GRIK2: variants seen among roughly 807,000 people sequenced by gnomAD.
The protein encoded by GRIK2 is glutamate ionotropic receptor kainate type subunit 2, also known as glutamate receptor ionotropic, kainate 2.
GRIK2 carries 32 observed loss-of-function variants against 100.3 expected under a neutral mutation model. The ratio of observed to expected loss-of-function variants is 0.32; its 90% CI spans 0.24 to 0.43. The LOEUF (loss-of-function observed/expected upper bound fraction) is 0.43, where lower values mean the gene tolerates loss of function less well. Among genes scored for constraint, GRIK2 ranks in the 20% least tolerant of loss-of-function variants. The pLI, the probability that GRIK2 is intolerant of heterozygous loss-of-function variation, is 1.00. For synonymous variants in GRIK2, 417 were observed against 389.4 expected, an observed-to-expected ratio of 1.07 and a Z score of -0.83; for missense variants, 843 against 1,114.9, an observed-to-expected ratio of 0.76 and a Z score of 3.47.
chr6:101,766,790 C>A (rs1778069720), intron 7 of GRIK2, among the ~76,000 whole-genome samples: 1 of 152,202 alleles, frequency 6.6e-6, no homozygotes, highest in Non-Finnish European at 1.5e-5. Context: ...AGGAAATAGA[C>A]ATGATGTTAA....
At chr6:101,787,001 T>A (rs1418615727) in intron 7 of GRIK2, among the ~76,000 whole-genome samples, 2 of 152,134 alleles carry the variant, frequency 1.3e-5, no homozygotes, top group Non-Finnish European at 2.9e-5. Context: ...GTTACTCTTA[T>A]TAGCCTGTTC....
At chr6:101,846,085 A>G (rs1783795324) in intron 10 of GRIK2, among the ~76,000 whole-genome samples, 1 of 151,934 alleles carries the variant, frequency 6.6e-6, no homozygotes, top group Non-Finnish European at 1.5e-5. Context: ...TATGATTCAC[A>G]ATATTTTCTC....
At chr6:101,585,421 A>T (rs922108745) in intron 2 of GRIK2, among the ~76,000 whole-genome samples, 3 of 152,094 alleles carry the variant, frequency 2.0e-5, no homozygotes, top group Non-Finnish European at 4.4e-5. Flanking sequence ...TCATTCAACA[A>T]ATAGTGGCTA....
intron 14 of GRIK2, among the ~76,000 whole-genome samples, chr6:101,956,224 C>A (rs1562509738): frequency 6.6e-6 from 1 of 151,882 alleles, no homozygotes; most frequent in African/African-American, 2.4e-5. Context: ...ACCCTTTGGC[C>A]TAAGCAAAAA....
intron 2 of GRIK2, among the ~76,000 whole-genome samples, chr6:101,406,016 A>C (rs1370826068): frequency 6.6e-6 from 1 of 152,172 alleles, no homozygotes; most frequent in African/African-American, 2.4e-5. Flanking sequence ...CACATTTCAC[A>C]GTTCCTCTAA....
intron 3 of GRIK2, among the ~76,000 whole-genome samples, chr6:101,623,552 T>C (rs1236371972): frequency 6.6e-6 from 1 of 152,078 alleles, no homozygotes; most frequent in Admixed American, 6.6e-5. Context: ...GAGTGCAGTA[T>C]AGATAAAATA....
At chr6:101,445,718 C>G (rs949282632) in intron 2 of GRIK2, among the ~76,000 whole-genome samples, 1 of 152,068 alleles carries the variant, frequency 6.6e-6, no homozygotes, top group Non-Finnish European at 1.5e-5. Context: ...ATAGCAAATT[C>G]TTGCAGTTTT....
intron 2 of GRIK2, among the ~76,000 whole-genome samples, chr6:101,476,394 G>A (rs1212001042): frequency 6.6e-6 from 1 of 152,066 alleles, no homozygotes; most frequent in East Asian, 1.9e-4. Context: ...CTCAAGATAA[G>A]AAGCCAGCTC....
intron 4 of GRIK2, among the ~76,000 whole-genome samples, chr6:101,661,941 A>G (rs1324483987): frequency 6.6e-6 from 1 of 152,166 alleles, no homozygotes; most frequent in Non-Finnish European, 1.5e-5. Context: ...AAGTGATCTT[A>G]TAACAAGAAA....
intron 2 of GRIK2, among the ~76,000 whole-genome samples, chr6:101,496,007 G>T (rs376456760): frequency 2.0e-5 from 3 of 151,916 alleles, no homozygotes; most frequent in African/African-American, 7.3e-5. Flanking sequence ...GTGCAGTGGC[G>T]CTATGTTGGC....
intron 2 of GRIK2, among the ~76,000 whole-genome samples, chr6:101,519,775 C>G (rs534310739): frequency 1.5e-4 from 23 of 152,214 alleles, no homozygotes; most frequent in Admixed American, 5.9e-4. Context: ...TATGTAAATT[C>G]TGAACTTCTC....
At chr6:101,493,387 A>G (rs1024458451) in intron 2 of GRIK2, among the ~76,000 whole-genome samples, 2 of 152,122 alleles carry the variant, frequency 1.3e-5, no homozygotes, top group African/African-American at 4.8e-5. Flanking sequence ...ATGCCTACAA[A>G]GAAGCAAAAT....
At chr6:101,746,575 C>T (rs1018167151) in intron 7 of GRIK2, among the ~76,000 whole-genome samples, 1 of 152,156 alleles carries the variant, frequency 6.6e-6, no homozygotes, top group Non-Finnish European at 1.5e-5. Flanking sequence ...AATCAGCTCA[C>T]CTCAGCCTCC....
chr6:101,594,781 T>A (rs1331862043), intron 2 of GRIK2, among the ~76,000 whole-genome samples: 1 of 151,782 alleles, frequency 6.6e-6, no homozygotes, highest in African/African-American at 2.4e-5. Context: ...ATATGAGTTA[T>A]GTTTAAAGAA....
At chr6:101,602,318 GAATT>G (rs1779255302) in intron 2 of GRIK2, among the ~76,000 whole-genome samples, 1 of 150,610 alleles carries the variant, frequency 6.6e-6, no homozygotes, top group Non-Finnish European at 1.5e-5. Context: ...AATTTTTTTC[GAATT>G]TATTGAGACT....
chr6:101,958,097 A>G (rs1792053049), intron 14 of GRIK2, among the ~76,000 whole-genome samples: 1 of 152,000 alleles, frequency 6.6e-6, no homozygotes, highest in Non-Finnish European at 1.5e-5. Context: ...AGATTGTTTT[A>G]GGAAGTATGG....
intron 2 of GRIK2, among the ~76,000 whole-genome samples, chr6:101,544,872 A>G (rs539383680): frequency 4.1e-4 from 62 of 152,354 alleles, no homozygotes; most frequent in African/African-American, 1.5e-3. Flanking sequence ...ACAATCTGCC[A>G]ATTTCTTCTA....
At chr6:101,619,183 G>T (rs1225754708) in intron 2 of GRIK2, among the ~76,000 whole-genome samples, 1 of 150,682 alleles carries the variant, frequency 6.6e-6, no homozygotes, top group African/African-American at 2.4e-5. Context: ...CATACAAGGG[G>T]TAATAAGCTA....
intron 12 of GRIK2, among the ~76,000 whole-genome samples, chr6:101,906,987 A>G (rs548415193): frequency 1.1e-4 from 16 of 151,790 alleles, no homozygotes; most frequent in Non-Finnish European, 2.2e-4. Flanking sequence ...TAAAATGACT[A>G]CAATCATAAA....
Sources: allele counts gnomAD v4.1 joint callset (sites outside exome capture counted in the v4.1 genomes callset), GRCh38; gene constraint gnomAD v4.1.1; transcripts MANE v1.5; gene names NCBI Gene and HGNC (gene_info 2026-07-23, HGNC 2026-07-21).